The following FMNL2 variants were observed in gnomAD, a reference collection of about 807,000 sequenced individuals.
The protein encoded by FMNL2 is formin like 2.
Under a neutral mutation model 130.2 loss-of-function variants are expected in FMNL2, and 51 were observed. The observed-to-expected ratio is 0.39, with a 90% CI of 0.31 to 0.49. The LOEUF (loss-of-function observed/expected upper bound fraction) is 0.49. FMNL2 is among the 20% of genes least tolerant of loss of function. The pLI, the probability that FMNL2 is intolerant of heterozygous loss-of-function variation, is 0.85. For missense variants in FMNL2, 977 were observed against 1,316.2 expected (o/e 0.74, Z 3.99); for synonymous variants, 465 against 467.1 (o/e 1.00, Z 0.06).
chr2:152,388,449 A>G (rs995234460), intron 1 of FMNL2, among the ~76,000 whole-genome samples: 11 of 152,180 alleles, frequency 7.2e-5, no homozygotes, highest in Admixed American at 5.2e-4. Context: ...AAAAGCCCTT[A>G]CGAAACCATC....
At chr2:152,609,192 A>G (rs142087732) in intron 10 of FMNL2, among the ~76,000 whole-genome samples, 2 of 152,376 alleles carry the variant, frequency 1.3e-5, no homozygotes, top group African/African-American at 2.4e-5. Flanking sequence ...GTTTATTCAC[A>G]TATACATGCA....
At chr2:152,527,921 G>A (rs1693476714) in intron 2 of FMNL2, among the ~76,000 whole-genome samples, 1 of 152,114 alleles carries the variant, frequency 6.6e-6, no homozygotes, top group Non-Finnish European at 1.5e-5. Flanking sequence ...GTGGGAGGTA[G>A]TATTAGAGAT....
Position 152,592,027 on chromosome 2 carries a change from C to T in FMNL2, c.876+10978C>T, listed in dbSNP as rs557978094. Among the ~76,000 whole-genome samples the T allele has an allele frequency of 1.2e-4, 18 of 151,938 alleles. No individual in the cohort carries two copies. The East Asian group carries it at 2.5e-3, about 21-fold the overall frequency. On this transcript the variant is annotated intron_variant, in intron 9 of 25. Transcript: ENST00000288670. ...CTGAGGCAGGAGAATCGCTTGAACC[C>T]GGGAGGCAGAGGTTGCAGTGAGCCT...
chr2:152,562,079 C>T (rs1034297528), intron 6 of FMNL2, among the ~76,000 whole-genome samples: 29 of 152,164 alleles, frequency 1.9e-4, no homozygotes, highest in African/African-American at 6.8e-4. Flanking sequence ...AGGCGTAACA[C>T]TTAATACTAA....
intron 3 of FMNL2, among the ~76,000 whole-genome samples, chr2:152,547,842 C>T (rs1170279114): frequency 1.3e-5 from 2 of 152,154 alleles, no homozygotes; most frequent in East Asian, 1.9e-4. Flanking sequence ...GGTTCAGGTT[C>T]GTAGCACAGA....
chr2:152,441,557 C>T (rs1415918219), intron 1 of FMNL2, among the ~76,000 whole-genome samples: 6 of 149,804 alleles, frequency 4.0e-5, no homozygotes, highest in African/African-American at 1.5e-4. Context: ...GGACAGGAGG[C>T]CAGGCGTGGT....
intron 1 of FMNL2, among the ~76,000 whole-genome samples, chr2:152,379,671 T>A (rs181779315): frequency 1.3e-5 from 2 of 152,330 alleles, no homozygotes; most frequent in East Asian, 3.9e-4. Context: ...ATGGTTTGAA[T>A]CAGTTTATGA....
Position 152,522,035 on chromosome 2 carries a change from C to G in FMNL2, c.201+9C>G. On this transcript the variant is annotated intron_variant, in intron 2 of 25. Transcript: ENST00000288670. ...AACTGATTTGTGATCAGGTAAGAAA[C>G]AGTGACACTTTCTTTTATGAAAAAA... The G allele has an allele frequency of 6.3e-7, 1 of 1,596,866 alleles. No homozygotes were observed. Among genetic ancestry groups the G allele is most frequent in the Non-Finnish European group, 8.5e-7 (1 of 1,171,660 alleles).
At chr2:152,365,195 A>C (rs544966233) in intron 1 of FMNL2, among the ~76,000 whole-genome samples, 1 of 152,344 alleles carries the variant, frequency 6.6e-6, no homozygotes, top group African/African-American at 2.4e-5. Context: ...ACGAGGAATT[A>C]GAAAAGGAAC....
intron 1 of FMNL2, among the ~76,000 whole-genome samples, chr2:152,341,033 G>GT (rs1370162274): frequency 6.6e-6 from 1 of 152,172 alleles, no homozygotes; most frequent in African/African-American, 2.4e-5. Context: ...CCACTGCAAG[G>GT]TGTTGCTCCC....
At chr2:152,386,979 A>G (rs1179158729) in intron 1 of FMNL2, among the ~76,000 whole-genome samples, 1 of 151,840 alleles carries the variant, frequency 6.6e-6, no homozygotes, top group Non-Finnish European at 1.5e-5. Flanking sequence ...GCCCTTCACC[A>G]TTCCTCCAAG....
chr2:152,389,888 G>T, intron 1 of FMNL2: 1 of 1,018,474 alleles, frequency 9.8e-7, no homozygotes, highest in East Asian at 2.5e-5. Flanking sequence ...AAGGCCCGGT[G>T]GGAGAAGAGA....
Position 152,412,365 on chromosome 2 carries a change from A to T in FMNL2, c.117+76645A>T, listed in dbSNP as rs565280501. Among the ~76,000 whole-genome samples the T allele has an allele frequency of 2.1e-3, 321 of 149,552 alleles. 2 individuals are homozygous for T. Among genetic ancestry groups the T allele is most frequent in the African/African-American group, 7.7e-3 (312 of 40,438 alleles). On this transcript the variant is annotated intron_variant, in intron 1 of 25. Transcript: ENST00000288670. ...CAGTTTATGTATGAATTTTGGTGGA[A>T]TGCCGTTTAGAGGGAATATTTTCTG... is the stretch of plus-strand genomic sequence containing the variant.
At chr2:152,547,918 G>A (rs1694734324) in intron 3 of FMNL2, among the ~76,000 whole-genome samples, 1 of 152,192 alleles carries the variant, frequency 6.6e-6, no homozygotes, top group Admixed American at 6.5e-5. Context: ...GCCTGAGACT[G>A]TCACTTTATA....
intron 10 of FMNL2, among the ~76,000 whole-genome samples, chr2:152,610,576 T>C (rs59518949): frequency 0.033 from 5,044 of 152,328 alleles, 281 homozygotes; most frequent in African/African-American, 0.11. Context: ...TATAACGGGT[T>C]TTTATCATTT....
In FMNL2 at chr2:152,628,482, C is replaced by T; in HGVS notation, c.2349C>T (p.Thr783=). Residue 783 remains threonine (T), a synonymous_variant, in exon 18 of 26, where the codon ACC becomes ACT. Coordinates refer to ENST00000288670, the MANE Select transcript of FMNL2 (RefSeq NM_052905.4). ...SKIERLMQKM[T]IMAFIGNFAE... ...TCGAGAGGCTCATGCAGAAGATGACCATCATGGCCTTCATTGGGAACTTTG... is the reference window on the plus strand; with the variant it reads ...TCGAGAGGCTCATGCAGAAGATGACTATCATGGCCTTCATTGGGAACTTTG... 1 of 1,613,966 alleles carries T rather than the reference C, an allele frequency of 6.2e-7. No individual in the cohort carries two copies.
At chr2:152,558,696 G>C (rs1448091638) in intron 4 of FMNL2, 44 bp from the exon 5 acceptor site, 2 of 1,542,214 alleles carry the variant, frequency 1.3e-6, no homozygotes, top group East Asian at 4.6e-5. Flanking sequence ...GGCAGGTCAT[G>C]TGATCAATTT....
At chr2:152,625,724 C>T (rs1006500353) in intron 16 of FMNL2, among the ~76,000 whole-genome samples, 162 bp downstream of exon 16, 1 of 152,182 alleles carries the variant, frequency 6.6e-6, no homozygotes, top group Non-Finnish European at 1.5e-5. Flanking sequence ...ACATTTGACA[C>T]TGTTTTGTAA....
At chr2:152,624,427 G>A (rs1489681257) in intron 15 of FMNL2, among the ~76,000 whole-genome samples, 1 of 151,864 alleles carries the variant, frequency 6.6e-6, no homozygotes, top group Non-Finnish European at 1.5e-5. Context: ...CAAAGTGCTA[G>A]GACTTTGAGC....
Sources: gnomAD v4.1 joint callset for allele counts (sites outside exome capture counted in the v4.1 genomes callset) on GRCh38, gnomAD v4.1.1 for gene constraint, MANE v1.5 for transcripts, NCBI Gene and HGNC (gene_info 2026-07-23, HGNC 2026-07-21) for gene names.